The following SPINK7 variants were observed in gnomAD, a reference collection of about 807,000 sequenced individuals.
The protein encoded by SPINK7 is serine protease inhibitor Kazal-type 7.
SPINK7 carries 8 observed loss-of-function variants against 11.6 expected under a neutral mutation model. The observed-to-expected ratio is 0.69, with a 90% confidence interval of 0.41 to 1.25. The LOEUF is 1.25. Ranked by LOEUF, SPINK7 falls within the 50% of genes most tolerant of loss-of-function variation. SPINK7 has a pLI of 0.01. For missense variants in SPINK7, 113 were observed against 99.3 expected, an observed-to-expected ratio of 1.14 and a Z score of -0.58; for synonymous variants, 38 against 35.3, an observed-to-expected ratio of 1.08 and a Z score of -0.27.
chr5:148,314,017 C>A, intron 2 of SPINK7, 83 bp from the exon 3 acceptor site: 1 of 1,568,524 alleles, frequency 6.4e-7, no homozygotes, highest in Middle Eastern at 1.7e-4. Context: ...TGAGCTGGGA[C>A]TTCCAGCCCT....
chr5:148,313,674 A>G (rs2113398610), intron 2 of SPINK7: 1 of 402,760 alleles, frequency 2.5e-6, no homozygotes, highest in East Asian at 3.9e-5. Flanking sequence ...ATAACGTGTA[A>G]AAGGCAGAGC....
chr5:148,312,510 G>A lies in SPINK7; in HGVS notation c.27G>A (p.Leu9=), dbSNP rs758725081. MKITGGLL[L]LCTVVYFCSS... is the part of the protein sequence containing the mutation. ...TGAAGATCACTGGGGGTCTCCTTCT[G>A]CTCTGTACAGTGGTCTATTTCTGTA... is the stretch of plus-strand genomic sequence containing the variant. Residue 9 remains leucine (L), a synonymous_variant, in exon 1 of 4, where the codon CTG becomes CTA. Coordinates refer to ENST00000274565, the MANE Select transcript of SPINK7 (RefSeq NM_032566.3). The A allele has an allele frequency of 1.2e-6, 2 of 1,612,128 alleles. No individual in the cohort carries two copies. Among genetic ancestry groups the A allele is most frequent in the Admixed American group, 1.7e-5 (1 of 59,946 alleles).
intron 1 of SPINK7, 55 bp from the exon 2 acceptor site, chr5:148,313,316 TTAA>T (rs1756884512): frequency 7.5e-7 from 1 of 1,339,792 alleles, no homozygotes; most frequent in East Asian, 2.3e-5. Context: ...CTTATATTAA[TTAA>T]TGAGATTTAA....
In SPINK7 at chr5:148,314,195, G is replaced by A; in HGVS notation, c.183G>A (p.Gly61=). The A allele has an allele frequency of 6.2e-7, 1 of 1,613,726 alleles. No individual in the cohort carries two copies. Among genetic ancestry groups the A allele is most frequent in the South Asian group, 1.1e-5 (1 of 91,058 alleles). Reference sequence around the variant, plus strand: ...GTGGTTCTGACTACATCACCTATGGGAATGAATGTCACTTGTGTACCGAGA... The same window carrying A: ...GTGGTTCTGACTACATCACCTATGGAAATGAATGTCACTTGTGTACCGAGA... ...PVCGSDYITY[G]NECHLCTESL... The change falls in exon 3 of 4, where the codon GGG becomes GGA. Residue 61 remains glycine, a synonymous_variant. Transcript: ENST00000274565.
In SPINK7 at chr5:148,312,539, G is replaced by C; in HGVS notation, c.56G>C (p.Ser19Thr). ...TGTACAGTGGTCTATTTCTGTAGCA[G>C]CTCAGGTAAGTTAAGGTCAGACAGT... ...LLCTVVYFCS[S>T]SEAASLSPKK... is the part of the protein sequence containing the mutation. Residue 19 changes from serine (S) to threonine (T), a missense_variant, in exon 1 of 4, where the codon AGC becomes ACC. Ser to Thr is a moderately conservative substitution (Grantham distance 58). Transcript: ENST00000274565. 1 of 1,602,306 alleles carries C rather than the reference G, an allele frequency of 6.2e-7. No individual in the cohort carries two copies. Among genetic ancestry groups the C allele is most frequent in the Non-Finnish European group, 8.5e-7 (1 of 1,170,808 alleles).
intron 3 of SPINK7, 57 bp from the exon 4 acceptor site, chr5:148,315,582 C>T (rs1756920794): frequency 2.8e-6 from 3 of 1,054,588 alleles, no homozygotes; most frequent in Non-Finnish European, 4.4e-6. Context: ...TCAGCTCTAA[C>T]ATTACATAAA....
rs549726538 is a variant in SPINK7, at chr5:148,315,286, C to T, written c.213-353C>T. 4.6e-5 allele frequency among the ~76,000 whole-genome samples: 7 copies of T among 152,244 alleles called. No homozygotes were observed. In the South Asian group the frequency reaches 1.5e-3, roughly 32 times the overall value. On this transcript the variant is annotated intron_variant, in intron 3 of 3. Coordinates refer to ENST00000274565, the MANE Select transcript of SPINK7 (RefSeq NM_032566.3). ...AGAAACATGATGAAAGTCCTCCTCA[C>T]TAATGCAGGATCCAGCTTCGTCAAA...
intron 2 of SPINK7, 67 bp downstream of exon 2, chr5:148,313,466 G>A (rs1444824029): frequency 3.3e-6 from 4 of 1,215,404 alleles, no homozygotes; most frequent in Non-Finnish European, 4.7e-6. Flanking sequence ...CATATATGTA[G>A]GATAAATTAT....
Position 148,314,116 on chromosome 5 carries a change from A to G in SPINK7, c.104A>G (p.Tyr35Cys). The G allele has an allele frequency of 6.2e-7, 1 of 1,613,850 alleles. No homozygotes were observed. Among genetic ancestry groups the G allele is most frequent in the Non-Finnish European group, 8.5e-7 (1 of 1,179,816 alleles). ...LSPKKVDCSIYKKYPVVAIPC... is the reference protein window; with the variant it reads ...LSPKKVDCSICKKYPVVAIPC... ...ATGACACAGGTGGACTGCAGCATTT[A>G]CAAGAAGTATCCAGTGGTGGCCATC... The change falls in exon 3 of 4, where the codon TAC becomes TGC. Residue 35 changes from tyrosine to cysteine, a missense_variant. Transcript: ENST00000274565.
intron 3 of SPINK7, chr5:148,314,566 T>C (rs1042408225): frequency 1.5e-5 from 4 of 269,974 alleles, no homozygotes; most frequent in Non-Finnish European, 2.8e-5. Context: ...AAAGGGACTA[T>C]TTGGGGTAGT....
chr5:148,314,997 C>T (rs1470595439), intron 3 of SPINK7, among the ~76,000 whole-genome samples: 2 of 152,154 alleles, frequency 1.3e-5, no homozygotes, highest in African/African-American at 4.8e-5. Context: ...ATGCAAATTA[C>T]ACTTAACTGT....
Position 148,315,719 on chromosome 5 carries a change from T to TCTC in SPINK7, c.*36_*38dup, listed in dbSNP as rs2113400890. 11 of 1,196,396 alleles carry TCTC rather than the reference T, an allele frequency of 9.2e-6. No homozygotes were observed. The highest frequency in any genetic ancestry group is 1.2e-5 in the Non-Finnish European group (10 of 828,666). 74.1% of individuals were successfully genotyped at this position (1,196,396 alleles called of 1,614,324 possible). A position where few individuals can be genotyped will look rare whatever the true frequency, so the allele number is the denominator to read the frequency against. ...GGACATAGAGAGAAAGGAATGATAT[T>TCTC]CTCATCATCATCTTCATCATCCCAG... On this transcript the variant is annotated 3_prime_UTR_variant, in exon 4 of 4. Coordinates refer to ENST00000274565, the MANE Select transcript of SPINK7 (RefSeq NM_032566.3).
chr5:148,315,519 C>G (rs1313647653), intron 3 of SPINK7, 120 bp from the exon 4 acceptor site: 1 of 570,700 alleles, frequency 1.8e-6, no homozygotes, highest in East Asian at 2.7e-5. Flanking sequence ...TTCTGAGACT[C>G]AGTTTCCTTA....
At position 148,314,168 on chromosome 5, in the gene SPINK7, T is replaced by C. The variant is rs1331723185; in HGVS notation, c.156T>C (p.Val52=). The change falls in exon 3 of 4, where the codon GTT becomes GTC. Residue 52 remains valine, a synonymous_variant. Coordinates refer to ENST00000274565, the MANE Select transcript of SPINK7 (RefSeq NM_032566.3). ...CCTGCCCCATCACATACCTACCAGTTTGTGGTTCTGACTACATCACCTATG... is the reference window on the plus strand; with the variant it reads ...CCTGCCCCATCACATACCTACCAGTCTGTGGTTCTGACTACATCACCTATG... ...AIPCPITYLP[V]CGSDYITYGN... 1.2e-6 allele frequency: 2 copies of C among 1,613,556 alleles called. No homozygotes were observed. The highest frequency in any genetic ancestry group is 1.3e-5 in the African/African-American group (1 of 74,882).
chr5:148,313,561 C>T (rs759637139), intron 2 of SPINK7, 162 bp downstream of exon 2: 31 of 456,122 alleles, frequency 6.8e-5, no homozygotes, highest in Non-Finnish European at 1.1e-4. Context: ...ATATGACATA[C>T]ATATAAACAA....
chr5:148,313,384 T>G lies in SPINK7; in HGVS notation c.72T>G (p.Ser24Arg). ...VYFCSSSEAA[S>R]LSPKKVDCSI... ...GTATCTCTTTTTCAGAAGCTGCTAG[T>G]CTGTCTCCAAAAAAAGTAAGTATGT... The change falls in exon 2 of 4, where the codon AGT becomes AGG. Residue 24 changes from serine to arginine, a missense_variant. Physicochemically the swap from Ser to Arg is moderately radical, Grantham distance 110. Coordinates refer to ENST00000274565, the MANE Select transcript of SPINK7 (RefSeq NM_032566.3). 1 of 1,603,290 alleles carries G rather than the reference T, an allele frequency of 6.2e-7. No homozygotes were observed.
At chr5:148,315,035 T>C (rs1415117259) in intron 3 of SPINK7, among the ~76,000 whole-genome samples, 1 of 152,182 alleles carries the variant, frequency 6.6e-6, no homozygotes, top group Non-Finnish European at 1.5e-5. Flanking sequence ...GTGATCATCG[T>C]TAACTCTTTT....
At position 148,315,744 on chromosome 5, in the gene SPINK7, G is replaced by T. The variant is rs1756924471; in HGVS notation, c.*60G>T. On this transcript the variant is annotated 3_prime_UTR_variant, in exon 4 of 4. Coordinates refer to ENST00000274565, the MANE Select transcript of SPINK7 (RefSeq NM_032566.3). ...TCTCATCATCATCTTCATCATCCCA[G>T]GCTCTGACTGAGTTTCTTTCAGTTT... The T allele has an allele frequency of 2.9e-6, 3 of 1,047,962 alleles. No individual in the cohort carries two copies. The highest frequency in any genetic ancestry group is 1.6e-5 in the African/African-American group (1 of 63,522). The allele number at this position is 1,047,962 out of a possible 1,614,324, so 64.9% of individuals were successfully genotyped here.
rs1452523731 is a variant in SPINK7 at position 148,315,675 on chromosome 5, A to T, written c.249A>T (p.Gly83=). 4 of 1,591,864 alleles carry T rather than the reference A, an allele frequency of 2.5e-6. No individual in the cohort carries two copies. Among genetic ancestry groups the T allele is most frequent in the Non-Finnish European group, 3.4e-6 (4 of 1,160,212 alleles). The part of the protein sequence containing the change: ...SNGRVQFLHD[G]SC Reference sequence around the variant, plus strand: ...GAAGAGTTCAGTTTCTTCACGATGGAAGTTGCTAAATTCTCCATGGACATA... The same window carrying T: ...GAAGAGTTCAGTTTCTTCACGATGGTAGTTGCTAAATTCTCCATGGACATA... Residue 83 remains glycine (G), a synonymous_variant, in exon 4 of 4, where the codon GGA becomes GGT. Transcript: ENST00000274565.
Sources: allele counts gnomAD v4.1 joint callset (sites outside exome capture counted in the v4.1 genomes callset), GRCh38; gene constraint gnomAD v4.1.1; transcripts MANE v1.5; gene names NCBI Gene and HGNC (gene_info 2026-07-23, HGNC 2026-07-21).